The following IQSEC1 variants were observed in gnomAD, a reference collection of about 807,000 sequenced individuals.
IQSEC1 encodes the protein IQ motif and Sec7 domain ArfGEF 1.
Under a neutral mutation model 91.0 loss-of-function variants are expected in IQSEC1, and 31 were observed. That is an observed-to-expected ratio of 0.34 (90% CI 0.26 to 0.46). The LOEUF (loss-of-function observed/expected upper bound fraction) is 0.46. IQSEC1 is among the 20% of genes least tolerant of loss of function. The probability of loss-of-function intolerance (pLI) is 1.00; values close to 1 mark genes in which losing one functional copy is unlikely to be tolerated. For missense variants in IQSEC1, 1,388 were observed against 1,575.6 expected, an observed-to-expected ratio of 0.88 and a Z score of 2.02; for synonymous variants, 699 against 662.6, an observed-to-expected ratio of 1.05 and a Z score of -0.84.
chr3:13,216,107 T>A (rs898030996), intron 1 of IQSEC1, among the ~76,000 whole-genome samples: 2 of 152,162 alleles, frequency 1.3e-5, no homozygotes, highest in African/African-American at 4.8e-5. Flanking sequence ...GGAAATGCCT[T>A]TAAGTGGGCG....
intron 1 of IQSEC1, among the ~76,000 whole-genome samples, chr3:13,277,368 G>A (rs1298685019): frequency 1.3e-5 from 2 of 152,078 alleles, no homozygotes; most frequent in African/African-American, 2.4e-5. Context: ...ACCAAACGTC[G>A]GAAACAAGTA....
At chr3:13,147,527 A>G (rs1046939236) in intron 2 of IQSEC1, among the ~76,000 whole-genome samples, 1 of 152,176 alleles carries the variant, frequency 6.6e-6, no homozygotes, top group African/African-American at 2.4e-5. Context: ...GTAGTATTCC[A>G]TGGTGTAGAC....
At chr3:13,056,102 G>A (rs911085911) in intron 1 of IQSEC1, among the ~76,000 whole-genome samples, 1 of 152,198 alleles carries the variant, frequency 6.6e-6, no homozygotes, top group African/African-American at 2.4e-5. Flanking sequence ...GCCTGGGTGG[G>A]ATCAAGGCCT....
rs184920358 is a variant in IQSEC1, at chr3:13,131,455, A to T, written c.302+32649T>A. On this transcript the variant is annotated intron_variant, in intron 2 of 15. Coordinates refer to the IQSEC1 transcript ENST00000648114. Reference sequence around the variant, plus strand: ...AATTTGTACTTAATGTGGTTATTGAAATGTTTAGGTTTAAATCTATGTCTT... The same window carrying T: ...AATTTGTACTTAATGTGGTTATTGATATGTTTAGGTTTAAATCTATGTCTT... 1.2e-3 allele frequency among the ~76,000 whole-genome samples: 177 copies of T among 147,946 alleles called. 1 individual carries two copies. Among genetic ancestry groups the T allele is most frequent in the Non-Finnish European group, 2.0e-3 (135 of 66,944 alleles).
chr3:12,972,408 A>G (rs1027905059), intron 1 of IQSEC1, among the ~76,000 whole-genome samples: 1 of 151,884 alleles, frequency 6.6e-6, no homozygotes, highest in African/African-American at 2.4e-5. Context: ...GTCCACAAAG[A>G]CCCCAAACGC....
upstream of IQSEC1, among the ~76,000 whole-genome samples, chr3:13,076,978 G>A (rs888745438): frequency 1.3e-5 from 2 of 150,632 alleles, no homozygotes; most frequent in African/African-American, 4.9e-5. Context: ...AAAATAGGAA[G>A]TATTACATAG....
Position 13,104,924 on chromosome 3 carries a change from A to T in IQSEC1, c.303-57402T>A, listed in dbSNP as rs530388018. Among the ~76,000 whole-genome samples the T allele has an allele frequency of 3.3e-5, 5 of 152,262 alleles. No homozygotes were observed. The East Asian group carries it at 9.7e-4, about 29-fold the overall frequency. ...GAAGGAACCAGCCCAGGGCTGCTAG[A>T]TTTTCTCAGCTGTGGAGAGAAGACG... On this transcript the variant is annotated intron_variant, in intron 2 of 15. Transcript: ENST00000648114.
At chr3:12,965,110 C>T (rs1700478425) in intron 1 of IQSEC1, among the ~76,000 whole-genome samples, 1 of 152,206 alleles carries the variant, frequency 6.6e-6, no homozygotes, top group South Asian at 2.1e-4. Flanking sequence ...ATGTGATATT[C>T]TGGCCCAGTC....
exon 1 of IQSEC1, among the ~76,000 whole-genome samples, chr3:13,283,249 T>C (rs910374705): frequency 2.7e-5 from 4 of 150,614 alleles, no homozygotes; most frequent in African/African-American, 9.7e-5. Context: ...GCGAGGAGTT[T>C]TGCAAAGTGC....
rs749827851 is a variant in IQSEC1 at position 12,909,330 on chromosome 3, C to T, written c.2521G>A (p.Asp841Asn). 3.7e-6 allele frequency: 6 copies of T among 1,614,208 alleles called. No individual in the cohort carries two copies. Among genetic ancestry groups the T allele is most frequent in the Middle Eastern group, 1.6e-4 (1 of 6,062 alleles). The change falls in exon 11 of 14, where the codon GAT (aspartate) becomes AAT (asparagine). Residue 841 changes from aspartate (D) to asparagine (N), a missense_variant. Around this residue, in one of 2 missense-constraint regions of IQSEC1, gnomAD observed 1,059 missense variants for 1,317.8 expected, o/e 0.80. Coordinates refer to ENST00000613206, the MANE Select transcript of IQSEC1 (RefSeq NM_001134382.3). This position sits in a 1 kb window ranked among gnomAD's most constrained non-coding sequence, Gnocchi z 4.9. ...PNPQDRKKFT[D>N]DLRESIAEVQ... ...TCCGCAATGGACTCCCGCAGGTCATCGGTGAATTTCTTCCGGTCTTGAGGG... is the reference window on the plus strand; with the variant it reads ...TCCGCAATGGACTCCCGCAGGTCATTGGTGAATTTCTTCCGGTCTTGAGGG...
rs146614982 is a variant in IQSEC1 at position 13,222,551 on chromosome 3, G to A, written c.273-58418C>T. On this transcript the variant is annotated intron_variant, in intron 1 of 15. Transcript: ENST00000648114. ...TAACTCCTTCGGGAACCACCACACC[G>A]TTTCCCACGGCGGCTGCACCACGTT... Among the ~76,000 whole-genome samples, 1,402 of 152,256 alleles carry A rather than the reference G, an allele frequency of 9.2e-3. 19 individuals are homozygous for A. Among genetic ancestry groups the A allele is most frequent in the Middle Eastern group, 0.017 (5 of 294 alleles).
chr3:13,229,191 C>T (rs541159018), intron 1 of IQSEC1, among the ~76,000 whole-genome samples: 1 of 152,324 alleles, frequency 6.6e-6, no homozygotes, highest in Non-Finnish European at 1.5e-5. Context: ...CCCTAAACAG[C>T]ATTTGGTAAG....
At chr3:13,112,734 G>A (rs1181194817) in intron 2 of IQSEC1, among the ~76,000 whole-genome samples, 3 of 152,340 alleles carry the variant, frequency 2.0e-5, no homozygotes, top group African/African-American at 7.2e-5. Context: ...GGGCGAGCAG[G>A]CCCACCTGCC....
At chr3:13,266,818 C>T (rs1381401077) in intron 1 of IQSEC1, among the ~76,000 whole-genome samples, 2 of 152,054 alleles carry the variant, frequency 1.3e-5, no homozygotes, top group African/African-American at 4.8e-5. Context: ...TCCAGCCAGG[C>T]GGTCCTTCTA....
intron 1 of IQSEC1, among the ~76,000 whole-genome samples, chr3:13,229,477 C>A (rs773044339): frequency 1.3e-5 from 2 of 152,132 alleles, no homozygotes; most frequent in Non-Finnish European, 2.9e-5. Context: ...GAGATGAATG[C>A]CCAATCGAGG....
chr3:13,018,652 G>A (rs973602440), intron 1 of IQSEC1, among the ~76,000 whole-genome samples: 2 of 152,186 alleles, frequency 1.3e-5, no homozygotes, highest in African/African-American at 2.4e-5. Flanking sequence ...GACGCAGGGA[G>A]GGGAGGGGCG....
Position 12,909,332 on chromosome 3 carries a change from G to A in IQSEC1, c.2519C>T (p.Thr840Ile), listed in dbSNP as rs1173528131. The A allele has an allele frequency of 4.6e-5, 75 of 1,614,196 alleles. No homozygotes were observed. Among genetic ancestry groups the A allele is most frequent in the Non-Finnish European group, 6.4e-5 (75 of 1,180,022 alleles). ...APNPQDRKKFTDDLRESIAEV... is the reference protein window; with the variant it reads ...APNPQDRKKFIDDLRESIAEV... ...CGCAATGGACTCCCGCAGGTCATCGGTGAATTTCTTCCGGTCTTGAGGGTT... is the reference window on the plus strand; with the variant it reads ...CGCAATGGACTCCCGCAGGTCATCGATGAATTTCTTCCGGTCTTGAGGGTT... Residue 840 changes from threonine (T) to isoleucine (I), a missense_variant, in exon 11 of 14, where the codon ACC becomes ATC. Thr to Ile is a moderately conservative substitution (Grantham distance 89). This residue lies in a region of IQSEC1 where 1,059 missense variants were observed against 1,317.8 expected (regional missense o/e 0.80). Coordinates refer to ENST00000613206, the MANE Select transcript of IQSEC1 (RefSeq NM_001134382.3). This position sits in a 1 kb window ranked among gnomAD's most constrained non-coding sequence, Gnocchi z 4.9.
intron 1 of IQSEC1, among the ~76,000 whole-genome samples, chr3:13,241,880 G>A (rs536721291): frequency 1.3e-5 from 2 of 152,356 alleles, no homozygotes; most frequent in Admixed American, 6.5e-5. Flanking sequence ...CAGACGGAAC[G>A]GGAAGATGAA....
At chr3:13,263,431 G>C (rs755032504) in intron 1 of IQSEC1, among the ~76,000 whole-genome samples, 1 of 129,538 alleles carries the variant, frequency 7.7e-6, no homozygotes, top group Non-Finnish European at 1.6e-5. Context: ...TTTTTTTGGG[G>C]GGGGGGGGAA....
Sources: allele counts gnomAD v4.1 joint callset (sites outside exome capture counted in the v4.1 genomes callset), GRCh38; gene constraint gnomAD v4.1.1; regional missense constraint gnomAD v4.1.1; non-coding constraint Gnocchi (gnomAD v3.1); transcripts MANE v1.5; gene names NCBI Gene and HGNC (gene_info 2026-07-23, HGNC 2026-07-21).